The following LRMDA variants were observed in gnomAD, a reference collection of about 807,000 sequenced individuals.
The protein encoded by LRMDA is leucine-rich melanocyte differentiation-associated protein.
LRMDA carries 18 observed loss-of-function variants against 29.8 expected under a neutral mutation model. That is an observed-to-expected ratio of 0.60 (90% CI 0.42 to 0.90). The LOEUF (loss-of-function observed/expected upper bound fraction) is 0.90. LRMDA is among the 40% of genes least tolerant of loss of function. LRMDA has a pLI of 0.00. For synonymous variants in LRMDA, 125 were observed against 109.4 expected, an observed-to-expected ratio of 1.14 and a Z score of -0.89; for missense variants, 273 against 273.9, an observed-to-expected ratio of 1.00 and a Z score of 0.02.
At chr10:75,639,717 A>C (rs771665261) in intron 2 of LRMDA, among the ~76,000 whole-genome samples, 16 of 152,150 alleles carry the variant, frequency 1.1e-4, no homozygotes, top group Non-Finnish European at 1.9e-4. Context: ...GTTTGAGAGA[A>C]GTGAACTCTG....
chr10:76,414,493 T>G (rs574372773), intron 6 of LRMDA, among the ~76,000 whole-genome samples: 249 of 152,292 alleles, frequency 1.6e-3, no homozygotes, highest in African/African-American at 5.8e-3. Flanking sequence ...GATAAAAGGA[T>G]AAAAATAATT....
intron 2 of LRMDA, among the ~76,000 whole-genome samples, chr10:76,034,423 T>C (rs1017831126): frequency 2.3e-4 from 35 of 151,998 alleles, no homozygotes; most frequent in African/African-American, 8.4e-4. Flanking sequence ...CCAAAATGTG[T>C]CCCCCCTCGG....
At chr10:76,297,964 C>T (rs1045093345) in intron 5 of LRMDA, among the ~76,000 whole-genome samples, 1 of 152,246 alleles carries the variant, frequency 6.6e-6, no homozygotes, top group Non-Finnish European at 1.5e-5. Flanking sequence ...TTTTAAAATG[C>T]AGCCGCATGT....
intron 2 of LRMDA, among the ~76,000 whole-genome samples, chr10:75,484,894 C>A (rs1012794674): frequency 6.6e-5 from 10 of 152,210 alleles, no homozygotes; most frequent in African/African-American, 2.4e-4. Context: ...TGTAAGCAAC[C>A]TAGTCTGTGA....
intron 2 of LRMDA, among the ~76,000 whole-genome samples, chr10:75,680,906 T>C (rs1299765393): frequency 6.6e-6 from 1 of 152,234 alleles, no homozygotes; most frequent in East Asian, 1.9e-4. Flanking sequence ...GTCATATAAT[T>C]GTATGTCCTT....
chr10:75,647,177 A>G (rs1008985635), intron 2 of LRMDA, among the ~76,000 whole-genome samples: 5 of 152,148 alleles, frequency 3.3e-5, no homozygotes, highest in African/African-American at 1.2e-4. Flanking sequence ...AGCTGCAACA[A>G]GTCGTAGGAA....
At chr10:75,598,293 C>T (rs1016409115) in intron 2 of LRMDA, among the ~76,000 whole-genome samples, 2 of 152,072 alleles carry the variant, frequency 1.3e-5, no homozygotes, top group African/African-American at 2.4e-5. Flanking sequence ...GCAGACGCAG[C>T]GTGAAAGGAA....
chr10:75,553,399 T>G (rs567856434), intron 2 of LRMDA, among the ~76,000 whole-genome samples: 1 of 152,326 alleles, frequency 6.6e-6, no homozygotes, highest in African/African-American at 2.4e-5. Context: ...ATATGCTTAC[T>G]CTAGAGAATG....
chr10:76,255,440 A>G (rs1852575669), intron 5 of LRMDA, among the ~76,000 whole-genome samples: 1 of 152,182 alleles, frequency 6.6e-6, no homozygotes. Context: ...CATAATAAGG[A>G]TTTTAGGAGC....
At chr10:76,302,906 C>G (rs897645407) in intron 5 of LRMDA, among the ~76,000 whole-genome samples, 34 of 152,130 alleles carry the variant, frequency 2.2e-4, no homozygotes, top group African/African-American at 8.0e-4. Flanking sequence ...GCAACAAAAC[C>G]CCTTTTCTTC....
chr10:76,072,703 C>G (rs1452996975), intron 5 of LRMDA, among the ~76,000 whole-genome samples: 2 of 152,174 alleles, frequency 1.3e-5, no homozygotes, highest in Non-Finnish European at 2.9e-5. Context: ...ATGGGAGTGT[C>G]CTGGTGGCCA....
chr10:75,736,877 G>T (rs1165064478), intron 2 of LRMDA, among the ~76,000 whole-genome samples: 1 of 152,116 alleles, frequency 6.6e-6, no homozygotes, highest in Non-Finnish European at 1.5e-5. Context: ...ATGCACCTTT[G>T]TTGCCATGCA....
intron 2 of LRMDA, among the ~76,000 whole-genome samples, chr10:75,469,198 A>G (rs932048311): frequency 9.2e-5 from 14 of 152,038 alleles, no homozygotes; most frequent in African/African-American, 3.4e-4. Context: ...TTAAAGGAAA[A>G]AAAAAGAGAG....
At chr10:76,356,999 A>C (rs1372991139) in intron 6 of LRMDA, among the ~76,000 whole-genome samples, 1 of 152,196 alleles carries the variant, frequency 6.6e-6, no homozygotes, top group African/African-American at 2.4e-5. Context: ...AGGAAAATAT[A>C]GTCAAATAAG....
intron 2 of LRMDA, among the ~76,000 whole-genome samples, chr10:75,542,794 G>A (rs940660686): frequency 1.3e-5 from 2 of 152,150 alleles, no homozygotes; most frequent in Admixed American, 1.3e-4. Flanking sequence ...GGCCTGACTT[G>A]AGAAATCAAA....
chr10:76,451,994 C>A (rs1476966372), intron 6 of LRMDA, among the ~76,000 whole-genome samples: 1 of 152,118 alleles, frequency 6.6e-6, no homozygotes, highest in Non-Finnish European at 1.5e-5. Context: ...TTATTTTCTT[C>A]AAAGGAATGA....
chr10:76,490,429 C>T (rs563156918), intron 6 of LRMDA, among the ~76,000 whole-genome samples: 1 of 151,758 alleles, frequency 6.6e-6, no homozygotes, highest in Non-Finnish European at 1.5e-5. Context: ...CTCTCTTTAG[C>T]TCTAATATTT....
chr10:76,248,212 G>T (rs1229872225), intron 5 of LRMDA, among the ~76,000 whole-genome samples: 1 of 152,158 alleles, frequency 6.6e-6, no homozygotes, highest in African/African-American at 2.4e-5. Context: ...CTACTGGCAT[G>T]TAGTAGATAT....
At chr10:76,003,752 G>A (rs1847601188) in intron 2 of LRMDA, among the ~76,000 whole-genome samples, 1 of 152,164 alleles carries the variant, frequency 6.6e-6, no homozygotes, top group Non-Finnish European at 1.5e-5. Context: ...GTGTCTGATA[G>A]GGGGAGGAAG....
Sources: gnomAD v4.1 joint callset for allele counts (sites outside exome capture counted in the v4.1 genomes callset) on GRCh38, gnomAD v4.1.1 for gene constraint, MANE v1.5 for transcripts, NCBI Gene and HGNC (gene_info 2026-07-23, HGNC 2026-07-21) for gene names.